The following KCNK16 variants were observed in gnomAD, a reference collection of about 807,000 sequenced individuals.
KCNK16 encodes the protein potassium channel subfamily K member 16.
KCNK16 carries 23 observed loss-of-function variants against 23.0 expected under a neutral mutation model. The observed-to-expected ratio is 1.00, with a 90% CI of 0.72 to 1.41. KCNK16 has a LOEUF of 1.41. Ranked by LOEUF, KCNK16 falls within the 40% of genes most tolerant of loss-of-function variation. KCNK16 has a pLI of 0.00. For missense variants in KCNK16, 327 were observed against 365.8 expected (o/e 0.89, Z 0.87); for synonymous variants, 145 against 153.5 (o/e 0.94, Z 0.41).
intron 4 of KCNK16, 32 bp from the exon 5 acceptor site, chr6:39,316,474 G>A (rs368025771): frequency 3.8e-6 from 6 of 1,568,148 alleles, no homozygotes; most frequent in East Asian, 4.5e-5. Context: ...TCAATGCCAG[G>A]GGTCTCAGGG....
chr6:39,314,584 G>A (rs1292585268), downstream of KCNK16: 2 of 447,134 alleles, frequency 4.5e-6, no homozygotes, highest in Non-Finnish European at 7.8e-6. Flanking sequence ...GCCTAGGCCA[G>A]GGAGAAGGAG....
chr6:39,322,357 C>T lies in KCNK16; in HGVS notation c.184G>A (p.Asp62Asn), dbSNP rs779024368. Residue 62 changes from aspartate to asparagine, a missense_variant, in exon 1 of 5, where the codon GAC becomes AAC. Asp to Asn is a conservative substitution (Grantham distance 23, BLOSUM62 1). Transcript: ENST00000437525. Reference sequence around the variant, plus strand: ...ACAAACTGCTCCATGGCCCACTGGTCCAGGCAGGTGTAGTTCTCCAGGAAG... The same window carrying T: ...ACAAACTGCTCCATGGCCCACTGGTTCAGGCAGGTGTAGTTCTCCAGGAAG... ...LRFLENYTCL[D>N]QWAMEQFVQV... is the part of the protein sequence containing the mutation. The T allele has an allele frequency of 6.2e-7, 1 of 1,614,144 alleles. No individual in the cohort carries two copies. Among genetic ancestry groups the T allele is most frequent in the Non-Finnish European group, 8.5e-7 (1 of 1,179,984 alleles).
intron 2 of KCNK16, 50 bp from the exon 3 acceptor site, chr6:39,318,002 C>T: frequency 6.6e-7 from 1 of 1,515,772 alleles, no homozygotes; most frequent in Non-Finnish European, 8.9e-7. Flanking sequence ...AGAACGCCCT[C>T]TGCTCCTCTT....
upstream of KCNK16, chr6:39,322,870 G>C: frequency 3.1e-6 from 1 of 325,348 alleles, no homozygotes; most frequent in Non-Finnish European, 5.8e-6. Context: ...CTCCAAGTTG[G>C]ATAGATGTTT....
At chr6:39,314,758 G>C, downstream of KCNK16, 1 of 498,910 alleles carries the variant, frequency 2.0e-6, no homozygotes. Context: ...CTTGGACTCG[G>C]GGGCTATCTC....
downstream of KCNK16, chr6:39,316,136 A>T: frequency 2.1e-6 from 3 of 1,434,740 alleles, no homozygotes; most frequent in Non-Finnish European, 2.7e-6. Context: ...TTGGGAGAGG[A>T]GAAAGCAGGG....
chr6:39,320,689 TG>T lies in KCNK16; in HGVS notation c.214-1557del, dbSNP rs370452565. On this transcript the variant is annotated intron_variant, in intron 1 of 4. Transcript: ENST00000437525. The stretch of plus-strand genomic sequence containing the variant: ...AGGGAAAGGGATGTCCTGTCTTCCC[TG>T]GGGAGGCCCCAGGGGCTAATCAGTG... 3.5e-3 allele frequency among the ~76,000 whole-genome samples: 539 copies of T among 152,286 alleles called. 1 individual carries two copies. Among genetic ancestry groups the T allele is most frequent in the African/African-American group, 0.012 (494 of 41,574 alleles).
At chr6:39,320,282 C>A (rs1473612871) in intron 1 of KCNK16, among the ~76,000 whole-genome samples, 1 of 152,222 alleles carries the variant, frequency 6.6e-6, no homozygotes, top group African/African-American at 2.4e-5. Context: ...TTCTTTCCCA[C>A]ATCCACAAAG....
At chr6:39,315,574 G>A (rs2113847387), downstream of KCNK16, 1 of 672,092 alleles carries the variant, frequency 1.5e-6, no homozygotes, top group South Asian at 2.0e-5. Flanking sequence ...CCTCGGCTGA[G>A]AGCTTCCTGA....
chr6:39,316,036 G>T (rs997094442), downstream of KCNK16: 1 of 865,252 alleles, frequency 1.2e-6, no homozygotes, highest in Non-Finnish European at 1.6e-6. Flanking sequence ...CCTATCTCAC[G>T]TCTCCTCTCT....
At position 39,319,893 on chromosome 6, in the gene KCNK16, C is replaced by T. The variant is rs11755830; in HGVS notation, c.214-760G>A. Among the ~76,000 whole-genome samples the T allele has an allele frequency of 0.027, 4,046 of 152,200 alleles. 74 individuals are homozygous for T. The highest frequency in any genetic ancestry group is 0.028 in the Non-Finnish European group (1,882 of 67,998). ...GTTTTCACAAGACCCGAACCTTTGC[C>T]GGCTCAAGCCTACAACACCTCCCTT... On this transcript the variant is annotated intron_variant, in intron 1 of 4. Coordinates refer to ENST00000437525, the MANE Select transcript of KCNK16 (RefSeq NM_001135106.2). The surrounding 1 kb of genome is among the most constrained non-coding windows in gnomAD (Gnocchi z 4.2).
At chr6:39,322,274 T>A in intron 1 of KCNK16, 54 bp downstream of exon 1, 1 of 1,577,874 alleles carries the variant, frequency 6.3e-7, no homozygotes, top group Non-Finnish European at 8.6e-7. Context: ...AGGAACCCCA[T>A]TCCACCAACC....
intron 1 of KCNK16, among the ~76,000 whole-genome samples, chr6:39,321,951 G>A (rs1177973467): frequency 6.6e-6 from 1 of 152,274 alleles, no homozygotes; most frequent in Non-Finnish European, 1.5e-5. Flanking sequence ...GTATGAAAGT[G>A]TGGGAGGAGG....
rs528382400 is a variant in KCNK16 at position 39,319,593 on chromosome 6, C to A, written c.214-460G>T. 1.3e-5 allele frequency among the ~76,000 whole-genome samples: 2 copies of A among 152,300 alleles called. No homozygotes were observed. Among genetic ancestry groups the A allele is most frequent in the African/African-American group, 2.4e-5 (1 of 41,544 alleles). ...GGGACCACAGGGAAGCCATGGGCTG[C>A]CTGCTATGAAGCTAATGGTGGGAAA... On this transcript the variant is annotated intron_variant, in intron 1 of 4. Coordinates refer to ENST00000437525, the MANE Select transcript of KCNK16 (RefSeq NM_001135106.2). The surrounding 1 kb of genome is among the most constrained non-coding windows in gnomAD (Gnocchi z 4.2).
upstream of KCNK16, chr6:39,322,724 G>C: frequency 1.1e-6 from 1 of 907,254 alleles, no homozygotes; most frequent in Non-Finnish European, 1.6e-6. Context: ...GCTGCACTAA[G>C]TGCTATGCTG....
downstream of KCNK16, chr6:39,314,627 A>C: frequency 4.7e-6 from 2 of 422,754 alleles, no homozygotes; most frequent in Non-Finnish European, 8.3e-6. Context: ...CGCTGAGGGA[A>C]GGGGCCCAGA....
rs374385327 is a variant in KCNK16 at position 39,322,365 on chromosome 6, G to A, written c.176C>T (p.Thr59Ile). Residue 59 changes from threonine to isoleucine, a missense_variant, in exon 1 of 5, where the codon ACC (threonine) becomes ATC (isoleucine). Transcript: ENST00000437525. ...LEKLRFLENY[T>I]CLDQWAMEQF... ...CTCCATGGCCCACTGGTCCAGGCAGGTGTAGTTCTCCAGGAAGCGCAGCTT... is the reference window on the plus strand; with the variant it reads ...CTCCATGGCCCACTGGTCCAGGCAGATGTAGTTCTCCAGGAAGCGCAGCTT... 3 of 1,614,218 alleles carry A rather than the reference G, an allele frequency of 1.9e-6. No homozygotes were observed. The highest frequency in any genetic ancestry group is 2.5e-6 in the Non-Finnish European group (3 of 1,180,032).
chr6:39,317,895 G>A lies in KCNK16; in HGVS notation c.386C>T (p.Ala129Val). The change falls in exon 3 of 5, where the codon GCC (alanine) becomes GTC (valine). Residue 129 changes from alanine (A) to valine (V), a missense_variant. Ala to Val is a moderately conservative substitution (Grantham distance 64, BLOSUM62 0). Transcript: ENST00000437525. ...EAGQVFCVFYALLGIPLNVIF... is the reference protein window; with the variant it reads ...EAGQVFCVFYVLLGIPLNVIF... Reference sequence around the variant, plus strand: ...CACGTTAAGCGGGATGCCCAACAGGGCATAGAAGACACAGAAGACCTGACC... The same window carrying A: ...CACGTTAAGCGGGATGCCCAACAGGACATAGAAGACACAGAAGACCTGACC... 1.2e-6 allele frequency: 2 copies of A among 1,613,664 alleles called. No homozygotes were observed. The highest frequency in any genetic ancestry group is 1.3e-5 in the African/African-American group (1 of 75,052).
chr6:39,321,690 A>C (rs996710664), intron 1 of KCNK16, among the ~76,000 whole-genome samples: 3 of 152,240 alleles, frequency 2.0e-5, no homozygotes, highest in Non-Finnish European at 2.9e-5. Flanking sequence ...GGAAACCAGA[A>C]AGGACCCAGG....
Sources: allele counts gnomAD v4.1 joint callset (sites outside exome capture counted in the v4.1 genomes callset), GRCh38; gene constraint gnomAD v4.1.1; non-coding constraint Gnocchi (gnomAD v3.1); transcripts MANE v1.5; gene names NCBI Gene and HGNC (gene_info 2026-07-23, HGNC 2026-07-21).